Variants in URB1 observed in about 807,000 individuals in gnomAD.
The protein encoded by URB1 is URB1 ribosome biogenesis factor, also known as nucleolar pre-ribosomal-associated protein 1.
A neutral mutation model predicts 242.3 loss-of-function variants in URB1; 197 were observed. The observed-to-expected ratio is 0.81, with a 90% CI of 0.72 to 0.91. The LOEUF is 0.91. Among genes scored for constraint, URB1 ranks in the 40% least tolerant of loss-of-function variants. The pLI is 0.00. For synonymous variants in URB1, 1,153 were observed against 1,201.8 expected (o/e 0.96, Z 0.84); for missense variants, 2,721 against 2,860.5 (o/e 0.95, Z 1.11).
Position 32,320,658 on chromosome 21 carries a change from G to C in URB1, c.5485-18C>G. 6.6e-7 allele frequency: 1 copy of C among 1,526,444 alleles called. No individual in the cohort carries two copies. The highest frequency in any genetic ancestry group is 8.9e-7 in the Non-Finnish European group (1 of 1,125,722). The allele number at this position is 1,526,444 out of a possible 1,614,324, so 94.6% of individuals were successfully genotyped here. On this transcript the variant is annotated intron_variant, in intron 34 of 38. Transcript: ENST00000382751. Reference sequence around the variant, plus strand: ...ATCCAATTCTGAAAACCCCAAACAAGAAGTTACTCTTCAGTGAGAAAACCC... The same window carrying C: ...ATCCAATTCTGAAAACCCCAAACAACAAGTTACTCTTCAGTGAGAAAACCC...
At chr21:32,386,599 A>G (rs144234711) in intron 1 of URB1, among the ~76,000 whole-genome samples, 4 of 152,334 alleles carry the variant, frequency 2.6e-5, no homozygotes, top group African/African-American at 9.6e-5. Flanking sequence ...TGTGACTCCC[A>G]GGTTTGACTA....
At position 32,347,110 on chromosome 21, in the gene URB1, G is replaced by A. The variant is rs776017303; in HGVS notation, c.3714C>T (p.Leu1238=). The A allele has an allele frequency of 2.7e-3, 4,161 of 1,549,906 alleles. 8 individuals carry two copies. The highest frequency in any genetic ancestry group is 3.4e-3 in the Non-Finnish European group (3,875 of 1,146,528). The change falls in exon 22 of 39, where the codon CTC becomes CTT. Residue 1238 remains leucine (L), a synonymous_variant. Transcript: ENST00000382751. ...ACAGCAAGTGGGTGCAGCTCTCCTG[G>A]AGGAGCAGGGCAGCGATGCTGAGGG... ...QAALSIAALL[L]QESCTHLLWF... is the part of the protein sequence containing the mutation.
At chr21:32,345,806 CTCT>C (rs1169178989) in intron 22 of URB1, among the ~76,000 whole-genome samples, 1 of 152,188 alleles carries the variant, frequency 6.6e-6, no homozygotes, top group Non-Finnish European at 1.5e-5. Context: ...TTGATGGATA[CTCT>C]TCAACACAGG....
At chr21:32,377,352 A>G (rs112300372) in intron 5 of URB1, 44 of 502,666 alleles carry the variant, frequency 8.8e-5, no homozygotes, top group African/African-American at 6.3e-4. Flanking sequence ...TGATGTGTAC[A>G]GCCAAACTTC....
Position 32,377,489 on chromosome 21 carries a change from T to G in URB1, c.664+956A>C, listed in dbSNP as rs529784936. ...GGGAATTTGAAGAAACTACTGGCCC[T>G]GGCAGCAGCAAGATATCCTGAACCT... On this transcript the variant is annotated intron_variant, in intron 5 of 38. Coordinates refer to ENST00000382751, the MANE Select transcript of URB1 (RefSeq NM_014825.3). Among the ~76,000 whole-genome samples the G allele has an allele frequency of 1.4e-4, 21 of 152,148 alleles. 1 individual carries two copies. In the South Asian group the frequency reaches 4.1e-3, roughly 30 times the overall value.
intron 13 of URB1, 32 bp downstream of exon 13, chr21:32,360,975 T>A (rs770407818): frequency 5.2e-5 from 77 of 1,467,580 alleles, no homozygotes; most frequent in Non-Finnish European, 6.7e-5. Flanking sequence ...GCAGCAACAG[T>A]GGCGGCTTGT....
At position 32,363,132 on chromosome 21, in the gene URB1, GCCCAAA is replaced by G. The variant is rs2033307636; in HGVS notation, c.1509+18_1509+23del. 18 of 1,545,410 alleles carry G rather than the reference GCCCAAA, an allele frequency of 1.2e-5. No individual in the cohort carries two copies. Among genetic ancestry groups the G allele is most frequent in the Non-Finnish European group, 1.6e-5 (18 of 1,143,934 alleles). ...CCACCTGGTGAGGTCTGGAAGGAAA[GCCCAAA>G]CCCAGATCAGAGCCTACCTTGCTCA... On this transcript the variant is annotated intron_variant, in intron 11 of 38. Coordinates refer to ENST00000382751, the MANE Select transcript of URB1 (RefSeq NM_014825.3).
chr21:32,316,843 T>G lies in URB1; in HGVS notation c.6257A>C (p.Glu2086Ala). ...ATATACGGGGCCTGGCGCATCGCTC[T>G]CGGGGCTGGCTGAGTCCACAGGCTC... Reference protein sequence around the residue: ...TQEPVDSASPESDAPGPVYAA... With the variant: ...TQEPVDSASPASDAPGPVYAA... Residue 2086 changes from glutamate to alanine, a missense_variant, in exon 38 of 39, where the codon GAG (glutamate) becomes GCG (alanine). Glu to Ala is a moderately radical substitution (Grantham distance 107). Coordinates refer to ENST00000382751, the MANE Select transcript of URB1 (RefSeq NM_014825.3). 1 of 1,548,692 alleles carries G rather than the reference T, an allele frequency of 6.5e-7. No homozygotes were observed.
intron 15 of URB1, 129 bp from the exon 16 acceptor site, chr21:32,355,694 C>G (rs1309644881): frequency 8.2e-6 from 6 of 733,344 alleles, no homozygotes; most frequent in Non-Finnish European, 1.4e-5. Flanking sequence ...CTGCAACCTC[C>G]GCCTCCCGGG....
At chr21:32,345,696 C>T in intron 22 of URB1, 121 bp from the exon 23 acceptor site, 3 of 1,059,370 alleles carry the variant, frequency 2.8e-6, no homozygotes, top group South Asian at 3.4e-5. Flanking sequence ...TGATGCCACA[C>T]CGGTGGCCTG....
In URB1 at chr21:32,347,413, G is replaced by C. The variant is rs774068368; in HGVS notation, c.3411C>G (p.Thr1137=). The part of the protein sequence containing the change: ...LLSLPETHLV[T]QQPTKSPGKE... Reference sequence around the variant, plus strand: ...TCCCGGGGGATTTCGTGGGTTGCTGGGTCACCAGGTGTGTCTCAGGCAGGC... The same window carrying C: ...TCCCGGGGGATTTCGTGGGTTGCTGCGTCACCAGGTGTGTCTCAGGCAGGC... Residue 1137 remains threonine, a synonymous_variant, in exon 22 of 39, where the codon ACC becomes ACG. Transcript: ENST00000382751. 1 of 1,551,394 alleles carries C rather than the reference G, an allele frequency of 6.4e-7. No homozygotes were observed.
chr21:32,359,409 C>T (rs946992087), intron 14 of URB1, among the ~76,000 whole-genome samples: 2 of 152,222 alleles, frequency 1.3e-5, no homozygotes, highest in Non-Finnish European at 2.9e-5. Flanking sequence ...CAACCCTCTC[C>T]TGACTTGGTT....
intron 36 of URB1, 120 bp downstream of exon 36, chr21:32,319,097 A>G: frequency 1.0e-6 from 1 of 964,392 alleles, no homozygotes; most frequent in Non-Finnish European, 1.5e-6. Flanking sequence ...AATCCACAGC[A>G]GATCACGGCC....
intron 30 of URB1, among the ~76,000 whole-genome samples, chr21:32,331,633 G>A (rs2032893509): frequency 6.6e-6 from 1 of 152,174 alleles, no homozygotes; most frequent in South Asian, 2.1e-4. Flanking sequence ...CACACACAAA[G>A]GCCGGAACAA....
chr21:32,361,700 C>A (rs1001507938), intron 12 of URB1, among the ~76,000 whole-genome samples, 192 bp downstream of exon 12: 1 of 152,192 alleles, frequency 6.6e-6, no homozygotes, highest in Non-Finnish European at 1.5e-5. Flanking sequence ...CTAACAGATA[C>A]TAAAATTCAA....
intron 30 of URB1, among the ~76,000 whole-genome samples, chr21:32,328,566 C>T (rs1457826458): frequency 1.3e-5 from 2 of 152,174 alleles, no homozygotes; most frequent in Non-Finnish European, 2.9e-5. Context: ...GTTTAAGAGA[C>T]ACCTACATAA....
At chr21:32,324,962 T>C (rs2032812177) in intron 31 of URB1, among the ~76,000 whole-genome samples, 1 of 152,120 alleles carries the variant, frequency 6.6e-6, no homozygotes, top group Admixed American at 6.5e-5. Flanking sequence ...AAATACTCAG[T>C]AGAAGTCATA....
Position 32,311,500 on chromosome 21 carries a change from C to T in URB1, c.*3418G>A. 2.7e-6 allele frequency: 2 copies of T among 752,864 alleles called. No homozygotes were observed. The highest frequency in any genetic ancestry group is 4.1e-6 in the Non-Finnish European group (2 of 487,206). The allele number at this position is 752,864 out of a possible 1,614,324, so 46.6% of individuals were successfully genotyped here. ...AGTTCCTGACAAAGCACTTCCTCTC[C>T]TCTGAGATTTCTCTAGAATGGCCAC... On this transcript the variant is annotated 3_prime_UTR_variant, in exon 39 of 39. Coordinates refer to ENST00000382751, the MANE Select transcript of URB1 (RefSeq NM_014825.3).
intron 10 of URB1, among the ~76,000 whole-genome samples, chr21:32,364,464 T>C (rs2033323235): frequency 6.6e-6 from 1 of 152,148 alleles, no homozygotes; most frequent in Non-Finnish European, 1.5e-5. Context: ...GCTTTTCTGG[T>C]TTACTTTCAG....
Sources: gnomAD v4.1 joint callset for allele counts (sites outside exome capture counted in the v4.1 genomes callset) on GRCh38, gnomAD v4.1.1 for gene constraint, MANE v1.5 for transcripts, NCBI Gene and HGNC (gene_info 2026-07-23, HGNC 2026-07-21) for gene names.